Variants in ARHGAP35 observed in about 807,000 individuals in gnomAD.
The protein encoded by ARHGAP35 is Rho GTPase activating protein 35.
A neutral mutation model predicts 111.1 loss-of-function variants in ARHGAP35; 15 were observed. The observed-to-expected ratio is 0.13, with a 90% CI of 0.09 to 0.21. The LOEUF is 0.21. Among genes scored for constraint, ARHGAP35 ranks in the 10% least tolerant of loss-of-function variants. The pLI is 1.00. For missense variants in ARHGAP35, 1,262 were observed against 1,873.0 expected (o/e 0.67, Z 6.02); for synonymous variants, 643 against 710.3 (o/e 0.91, Z 1.51).
intron 3 of ARHGAP35, among the ~76,000 whole-genome samples, chr19:46,984,627 C>T (rs979582217): frequency 1.6e-4 from 25 of 152,176 alleles, no homozygotes; most frequent in African/African-American, 6.0e-4. Context: ...GTATTGTGTA[C>T]GACAGCAGCA....
intron 3 of ARHGAP35, among the ~76,000 whole-genome samples, chr19:46,954,145 G>T (rs541436019): frequency 2.0e-5 from 3 of 152,270 alleles, no homozygotes; most frequent in African/African-American, 7.2e-5. Flanking sequence ...AACCAAATAG[G>T]CTGGCCCCTC....
At chr19:46,885,766 G>C (rs1206306563) in intron 1 of ARHGAP35, among the ~76,000 whole-genome samples, 1 of 151,844 alleles carries the variant, frequency 6.6e-6, no homozygotes, top group Non-Finnish European at 1.5e-5. Flanking sequence ...TTTTAGTGAG[G>C]TCCTAATTGG....
rs764279682 is a variant in ARHGAP35, at chr19:46,989,656, C to T, written c.4017C>T (p.Ile1339=). The T allele has an allele frequency of 1.7e-5, 28 of 1,613,888 alleles. No individual in the cohort carries two copies. Among genetic ancestry groups the T allele is most frequent in the Non-Finnish European group, 2.4e-5 (28 of 1,179,856 alleles). ...PDPLVPYNMQ[I]DLVEAHKIND... is the part of the protein sequence containing the mutation. ...CCCTGGTCCCGTATAACATGCAGAT[C>T]GACTTGGTGGAAGCACACAGTGAGT... Residue 1339 remains isoleucine, a synonymous_variant, in exon 5 of 7, where the codon ATC becomes ATT. Coordinates refer to ENST00000672722, the MANE Select transcript of ARHGAP35 (RefSeq NM_004491.5). This position sits in a 1 kb window ranked among gnomAD's most constrained non-coding sequence, Gnocchi z 5.3.
intron 1 of ARHGAP35, among the ~76,000 whole-genome samples, chr19:46,867,466 T>C (rs190805334): frequency 6.6e-6 from 1 of 152,340 alleles, no homozygotes; most frequent in Admixed American, 6.5e-5. Context: ...GTCCTAGCCC[T>C]AGCCCTGTCA....
intron 2 of ARHGAP35, among the ~76,000 whole-genome samples, chr19:46,934,823 C>T (rs2056296270): frequency 6.6e-6 from 1 of 152,034 alleles, no homozygotes; most frequent in South Asian, 2.1e-4. Flanking sequence ...GTGTGCGCTA[C>T]CACGCCCAGC....
intron 5 of ARHGAP35, among the ~76,000 whole-genome samples, chr19:46,996,507 A>C (rs554755860): frequency 2.1e-3 from 297 of 141,430 alleles, no homozygotes; most frequent in African/African-American, 6.8e-3. Context: ...GATAGGAAGG[A>C]GAGCAGGCAT....
At chr19:46,967,850 C>G (rs1461587761) in intron 3 of ARHGAP35, among the ~76,000 whole-genome samples, 3 of 151,458 alleles carry the variant, frequency 2.0e-5, no homozygotes, top group Non-Finnish European at 2.9e-5. Context: ...CAGAGTCCTT[C>G]TCTGATCTGC....
At chr19:46,959,641 C>T (rs947394794) in intron 3 of ARHGAP35, among the ~76,000 whole-genome samples, 3 of 150,514 alleles carry the variant, frequency 2.0e-5, no homozygotes, top group Non-Finnish European at 3.0e-5. Flanking sequence ...CTCGGGTGAT[C>T]CACCCGCCTC....
intron 1 of ARHGAP35, among the ~76,000 whole-genome samples, chr19:46,898,887 G>T (rs1233959902): frequency 1.3e-5 from 2 of 152,126 alleles, no homozygotes; most frequent in Admixed American, 6.6e-5. Flanking sequence ...CCTGCGGTGT[G>T]TGTAGTTGCC....
At chr19:46,879,251 T>C (rs931866667) in intron 1 of ARHGAP35, among the ~76,000 whole-genome samples, 5 of 152,098 alleles carry the variant, frequency 3.3e-5, no homozygotes, top group African/African-American at 7.2e-5. Flanking sequence ...GGTCAGGAGT[T>C]GGAGACCAGC....
At position 46,999,192 on chromosome 19, in the gene ARHGAP35, G is replaced by A; in HGVS notation, c.4037-112G>A. On this transcript the variant is annotated intron_variant, in intron 5 of 6. Transcript: ENST00000672722. This position sits in a 1 kb window ranked among gnomAD's most constrained non-coding sequence, Gnocchi z 5.4. The stretch of plus-strand genomic sequence containing the variant: ...CTTTGGGGGAAAGAGTGGGGTTAGT[G>A]TCATCCAAAAGCCCTGGGCTGTCCT... 1 of 699,736 alleles carries A rather than the reference G, an allele frequency of 1.4e-6. No homozygotes were observed. The highest frequency in any genetic ancestry group is 2.5e-6 in the Non-Finnish European group (1 of 404,888). The allele number at this position is 699,736 out of a possible 1,614,324, so 43.3% of individuals were successfully genotyped here. A position where few individuals can be genotyped will look rare whatever the true frequency, so the allele number is the denominator to read the frequency against.
chr19:46,877,248 CAAAAAA>C (rs35968599), intron 1 of ARHGAP35, among the ~76,000 whole-genome samples: 6 of 89,868 alleles, frequency 6.7e-5, no homozygotes, highest in South Asian at 8.0e-4. Context: ...AAAACTGTCT[CAAAAAA>C]AAAAAAAAAA....
At chr19:46,970,346 G>C (rs545198643) in intron 3 of ARHGAP35, among the ~76,000 whole-genome samples, 237 of 152,308 alleles carry the variant, frequency 1.6e-3, no homozygotes, top group Non-Finnish European at 2.5e-3. Flanking sequence ...GGAACCCAGT[G>C]CAGTGTAGAG....
At chr19:46,980,299 C>T (rs756884728) in intron 3 of ARHGAP35, among the ~76,000 whole-genome samples, 8 of 152,110 alleles carry the variant, frequency 5.3e-5, no homozygotes, top group Non-Finnish European at 1.2e-4. Context: ...GCAGGAGAAT[C>T]GCTGGAACCC....
chr19:46,969,237 G>A (rs1259382784), intron 3 of ARHGAP35, among the ~76,000 whole-genome samples: 1 of 152,226 alleles, frequency 6.6e-6, no homozygotes, highest in East Asian at 1.9e-4. Flanking sequence ...TGTGCTCACA[G>A]CCATCGAATT....
chr19:46,971,417 A>C (rs575597683), intron 3 of ARHGAP35, among the ~76,000 whole-genome samples: 67 of 151,950 alleles, frequency 4.4e-4, no homozygotes, highest in East Asian at 9.7e-4. Context: ...CACACACACA[A>C]AAAAAATAGA....
chr19:46,875,212 T>G (rs74739864), intron 1 of ARHGAP35, among the ~76,000 whole-genome samples: 7 of 152,138 alleles, frequency 4.6e-5, no homozygotes, highest in African/African-American at 7.2e-5. Context: ...TATTAAATAT[T>G]TATTTACTGA....
In ARHGAP35 at chr19:46,988,445, C is replaced by T; in HGVS notation, c.3904+379C>T. ...GGGTTGAGATGTGATCCTGTTTTGC[C>T]AGGGCCTCAGATCTACCCTCCTCAC... is the stretch of plus-strand genomic sequence containing the variant. On this transcript the variant is annotated intron_variant, in intron 4 of 6. Transcript: ENST00000672722. The surrounding 1 kb of genome is among the most constrained non-coding windows in gnomAD (Gnocchi z 5.4). 1.4e-4 allele frequency: 32 copies of T among 233,838 alleles called. No individual in the cohort carries two copies. In the East Asian group the frequency reaches 1.7e-3, roughly 13 times the overall value. The allele number at this position is 233,838 out of a possible 1,614,324, so 14.5% of individuals were successfully genotyped here. A position where few individuals can be genotyped will look rare whatever the true frequency, so the allele number is the denominator to read the frequency against.
chr19:46,920,000 C>T lies in ARHGAP35; in HGVS notation c.1325C>T (p.Thr442Ile), dbSNP rs760095063. ...MRRAFKENLETSPFITPGKPW... is the reference protein window; with the variant it reads ...MRRAFKENLEISPFITPGKPW... ...AGGGCGTTTAAAGAAAACCTGGAGA[C>T]TTCTCCTTTCATAACTCCCGGAAAG... The change falls in exon 2 of 7, where the codon ACT becomes ATT. Residue 442 changes from threonine to isoleucine, a missense_variant. Physicochemically the swap from Thr to Ile is moderately conservative, Grantham distance 89 (BLOSUM62 -1). Coordinates refer to ENST00000672722, the MANE Select transcript of ARHGAP35 (RefSeq NM_004491.5). The surrounding 1 kb of genome is among the most constrained non-coding windows in gnomAD (Gnocchi z 6.2). The T allele has an allele frequency of 4.3e-6, 7 of 1,613,980 alleles. No individual in the cohort carries two copies. The South Asian group carries it at 7.7e-5, about 18-fold the overall frequency.
Sources: allele counts gnomAD v4.1 joint callset (sites outside exome capture counted in the v4.1 genomes callset), GRCh38; gene constraint gnomAD v4.1.1; non-coding constraint Gnocchi (gnomAD v3.1); transcripts MANE v1.5; gene names NCBI Gene and HGNC (gene_info 2026-07-23, HGNC 2026-07-21).